The following MAPK8 variants were observed in gnomAD, a reference collection of about 807,000 sequenced individuals.
MAPK8 encodes JUN N-terminal kinase.
In MAPK8, 13 loss-of-function variants were observed where a neutral mutation model predicts 52.9. The observed-to-expected ratio is 0.25, with a 90% CI of 0.16 to 0.39. MAPK8 has a LOEUF of 0.39. MAPK8 is among the 10% of genes least tolerant of loss of function. The pLI is 1.00. For missense variants in MAPK8, 300 were observed against 519.2 expected (o/e 0.58, Z 4.10); for synonymous variants, 191 against 169.8 (o/e 1.12, Z -0.97).
intron 1 of MAPK8, among the ~76,000 whole-genome samples, chr10:48,319,043 T>C (rs1842753175): frequency 6.6e-6 from 1 of 152,200 alleles, no homozygotes; most frequent in Non-Finnish European, 1.5e-5. Flanking sequence ...GGATTAGTCC[T>C]GATACAGGAG....
At chr10:48,334,475 G>A (rs1844471440) in intron 1 of MAPK8, among the ~76,000 whole-genome samples, 1 of 152,172 alleles carries the variant, frequency 6.6e-6, no homozygotes, top group African/African-American at 2.4e-5. Flanking sequence ...CACCAAGGCA[G>A]TACTTAGAGT....
At chr10:48,379,953 A>C (rs2040890283) in intron 1 of MAPK8, among the ~76,000 whole-genome samples, 1 of 151,468 alleles carries the variant, frequency 6.6e-6, no homozygotes, top group Non-Finnish European at 1.5e-5. Context: ...AAAAAAAAAA[A>C]AAAAAACAGA....
At chr10:48,310,767 G>A (rs1016332465) in intron 1 of MAPK8, among the ~76,000 whole-genome samples, 2 of 151,084 alleles carry the variant, frequency 1.3e-5, no homozygotes, top group Admixed American at 6.6e-5. Context: ...GTGTGTATAC[G>A]TATGTGCATG....
At chr10:48,361,186 C>T (rs1847488329) in intron 1 of MAPK8, among the ~76,000 whole-genome samples, 1 of 152,134 alleles carries the variant, frequency 6.6e-6, no homozygotes. Flanking sequence ...TAGAGTTCCA[C>T]TTTTGTATTT....
intron 1 of MAPK8, among the ~76,000 whole-genome samples, chr10:48,308,910 G>A (rs896035406): frequency 1.3e-5 from 2 of 152,228 alleles, no homozygotes; most frequent in Non-Finnish European, 2.9e-5. Context: ...ACAGTTTAGC[G>A]TTTGTTTTGT....
rs867175615 is a variant in MAPK8, at chr10:48,425,835, C to A, written c.689-53C>A. On this transcript the variant is annotated intron_variant, in intron 7 of 11. Transcript: ENST00000374189. ...CTATTTTCTTGTAATATGAATATGACTAATGTATTGAACATTAGTTATGGA... is the reference window on the plus strand; with the variant it reads ...CTATTTTCTTGTAATATGAATATGAATAATGTATTGAACATTAGTTATGGA... 8.5e-5 allele frequency: 74 copies of A among 872,226 alleles called. 1 individual carries two copies. Among genetic ancestry groups the A allele is most frequent in the South Asian group, 4.9e-4 (24 of 48,644 alleles). The allele number at this position is 872,226 out of a possible 1,614,324, so 54.0% of individuals were successfully genotyped here.
chr10:48,394,885 C>T (rs1349226941), intron 1 of MAPK8, among the ~76,000 whole-genome samples: 1 of 151,834 alleles, frequency 6.6e-6, no homozygotes, highest in East Asian at 1.9e-4. Context: ...TGCATTTCTA[C>T]ATACTAGTAA....
intron 1 of MAPK8, among the ~76,000 whole-genome samples, chr10:48,355,637 A>T (rs1846836434): frequency 6.6e-6 from 1 of 152,230 alleles, no homozygotes; most frequent in Admixed American, 6.5e-5. Flanking sequence ...TACGAAAGAG[A>T]AGTTATACAT....
chr10:48,357,819 C>T (rs1270947289), intron 1 of MAPK8, among the ~76,000 whole-genome samples: 1 of 152,120 alleles, frequency 6.6e-6, no homozygotes, highest in Admixed American at 6.5e-5. Context: ...TTTTCATCAC[C>T]CCAAGAGGAA....
intron 1 of MAPK8, among the ~76,000 whole-genome samples, chr10:48,353,929 C>T (rs1460302626): frequency 6.6e-6 from 1 of 152,056 alleles, no homozygotes. Context: ...GTCTTTGTGG[C>T]GATGGAACAG....
At chr10:48,415,567 T>G (rs1481994760) in intron 5 of MAPK8, among the ~76,000 whole-genome samples, 1 of 152,106 alleles carries the variant, frequency 6.6e-6, no homozygotes, top group Admixed American at 6.6e-5. Context: ...ACACAAACAT[T>G]CGTAGCTAAC....
chr10:48,391,720 G>A (rs368520420), intron 1 of MAPK8, among the ~76,000 whole-genome samples: 1 of 151,976 alleles, frequency 6.6e-6, no homozygotes, highest in African/African-American at 2.4e-5. Context: ...CTCACAAGTC[G>A]AGGGCCCAGT....
Position 48,435,486 on chromosome 10 carries a change from C to A in MAPK8, c.*457C>A. ...TGATACTATCCTTCAGGGTTATGTG[C>A]TTATCAATGAAATAACCCCAGAGGA... On this transcript the variant is annotated 3_prime_UTR_variant, in exon 12 of 12. Transcript: ENST00000374189. 1 of 152,440 alleles carries A rather than the reference C, an allele frequency of 6.6e-6. No individual in the cohort carries two copies. Among genetic ancestry groups the A allele is most frequent in the Non-Finnish European group, 1.5e-5 (1 of 68,270 alleles). 9.4% of individuals were successfully genotyped at this position (152,440 alleles called of 1,614,324 possible).
chr10:48,350,890 C>G (rs1175046489), intron 1 of MAPK8, among the ~76,000 whole-genome samples: 2 of 152,188 alleles, frequency 1.3e-5, no homozygotes, highest in Non-Finnish European at 2.9e-5. Context: ...CCCAAAATCT[C>G]CTTAAGCTGA....
chr10:48,414,866 G>A (rs1389011748), intron 5 of MAPK8, among the ~76,000 whole-genome samples: 1 of 152,016 alleles, frequency 6.6e-6, no homozygotes, highest in Non-Finnish European at 1.5e-5. Flanking sequence ...ACAGGCATGA[G>A]CCATCATGCC....
chr10:48,355,999 T>G (rs912577265), intron 1 of MAPK8, among the ~76,000 whole-genome samples: 7 of 152,198 alleles, frequency 4.6e-5, no homozygotes, highest in Non-Finnish European at 7.3e-5. Flanking sequence ...ATACGTTTCT[T>G]GCAGACAAAA....
chr10:48,306,959 C>A, intron 1 of MAPK8, 138 bp downstream of exon 1: 1 of 152,090 alleles, frequency 6.6e-6, no homozygotes, highest in South Asian at 2.0e-4. Flanking sequence ...GCGCGGTGGG[C>A]GGGGGCGGCG....
chr10:48,427,044 A>G, intron 9 of MAPK8, 36 bp from the exon 10 acceptor site: 2 of 1,529,670 alleles, frequency 1.3e-6, no homozygotes, highest in Non-Finnish European at 1.8e-6. Flanking sequence ...TACTCCCAGC[A>G]TACTGACTTG....
chr10:48,322,523 A>C (rs1843099145), intron 1 of MAPK8, among the ~76,000 whole-genome samples: 1 of 152,160 alleles, frequency 6.6e-6, no homozygotes, highest in African/African-American at 2.4e-5. Flanking sequence ...TGATGTTTCA[A>C]AACTGGGTTC....
Sources: gnomAD v4.1 joint callset for allele counts (sites outside exome capture counted in the v4.1 genomes callset) on GRCh38, gnomAD v4.1.1 for gene constraint, MANE v1.5 for transcripts, NCBI Gene and HGNC (gene_info 2026-07-23, HGNC 2026-07-21) for gene names.